BSN: variants seen among roughly 807,000 people sequenced by gnomAD.
BSN encodes the protein protein bassoon.
Under a neutral mutation model 264.8 loss-of-function variants are expected in BSN, and 57 were observed. That is an observed-to-expected ratio of 0.22 (90% CI 0.17 to 0.27). The LOEUF is 0.27. Ranked by LOEUF, BSN falls within the 10% of genes least tolerant of loss-of-function variation. The pLI, the probability that BSN is intolerant of heterozygous loss-of-function variation, is 1.00. For synonymous variants in BSN, 2,059 were observed against 2,137.3 expected, an observed-to-expected ratio of 0.96 and a Z score of 1.01; for missense variants, 4,615 against 5,232.5, an observed-to-expected ratio of 0.88 and a Z score of 3.64.
At position 49,660,592 on chromosome 3, in the gene BSN, A is replaced by G. The variant is rs746865121; in HGVS notation, c.8747A>G (p.Gln2916Arg). The G allele has an allele frequency of 6.2e-7, 1 of 1,611,980 alleles. No individual in the cohort carries two copies. Among genetic ancestry groups the G allele is most frequent in the Non-Finnish European group, 8.5e-7 (1 of 1,179,300 alleles). ...CCCCTGGCTGGCCAGGCCTCCCCACAGCTGTATGCAGCCAGCCTGCTGCAG... is the reference window on the plus strand; with the variant it reads ...CCCCTGGCTGGCCAGGCCTCCCCACGGCTGTATGCAGCCAGCCTGCTGCAG... ...HLPLAGQASP[Q>R]LYAASLLQRG... The change falls in exon 6 of 12, where the codon CAG becomes CGG. Residue 2916 changes from glutamine (Q) to arginine (R), a missense_variant. Gln to Arg is a conservative substitution (Grantham distance 43). Coordinates refer to ENST00000296452, the MANE Select transcript of BSN (RefSeq NM_003458.4). The surrounding 1 kb of genome is among the most constrained non-coding windows in gnomAD (Gnocchi z 7.1).
Position 49,554,483 on chromosome 3 carries a change from C to T in BSN, c.-120C>T, listed in dbSNP as rs1046818354. 2 of 219,968 alleles carry T rather than the reference C, an allele frequency of 9.1e-6. No homozygotes were observed. The highest frequency in any genetic ancestry group is 1.5e-5 in the Non-Finnish European group (2 of 130,242). 13.6% of individuals were successfully genotyped at this position (219,968 alleles called of 1,614,324 possible). ...GACGCGCATGCGCAGCGGCAGGCGG[C>T]GGCGCGAGCCGAGCTGGGAGATGGC... On this transcript the variant is annotated 5_prime_UTR_variant, in exon 1 of 12. Transcript: ENST00000296452.
intron 1 of BSN, among the ~76,000 whole-genome samples, chr3:49,601,834 A>T (rs1280581497): frequency 2.0e-5 from 3 of 152,142 alleles, no homozygotes. Flanking sequence ...AAACTGTAGG[A>T]TTTGTTTAAA....
chr3:49,584,370 A>G (rs1030912021), intron 1 of BSN, among the ~76,000 whole-genome samples: 1 of 148,770 alleles, frequency 6.7e-6, no homozygotes, highest in Non-Finnish European at 1.5e-5. Context: ...TCTAATCTTT[A>G]TTATTTTCTT....
intron 1 of BSN, among the ~76,000 whole-genome samples, chr3:49,586,254 T>C (rs1383842880): frequency 1.3e-5 from 2 of 152,212 alleles, no homozygotes; most frequent in Admixed American, 6.5e-5. Context: ...CCATTTTGAT[T>C]TTATTTTTGT....
At chr3:49,567,929 C>T (rs1484883750) in intron 1 of BSN, among the ~76,000 whole-genome samples, 1 of 152,186 alleles carries the variant, frequency 6.6e-6, no homozygotes, top group Non-Finnish European at 1.5e-5. Flanking sequence ...CTGGGAGCCC[C>T]AGGGCTTCTC....
rs1559602832 is a variant in BSN at position 49,605,513 on chromosome 3, A to ATATTTT, written c.225-19462_225-19461insTATTTT. 1.7e-3 allele frequency among the ~76,000 whole-genome samples: 6 copies of ATATTTT among 3,636 alleles called. 1 individual carries two copies. The Admixed American group carries it at 0.021, about 13-fold the overall frequency. The allele number at this position is 3,636 out of a possible 152,430, so 2.4% of individuals were successfully genotyped here. On this transcript the variant is annotated intron_variant, in intron 1 of 11. Coordinates refer to ENST00000296452, the MANE Select transcript of BSN (RefSeq NM_003458.4). ...ATATTATATATAATATATATTATAT[A>ATATTTT]ATATATATATAATATATAATATATA...
At chr3:49,589,669 G>GC (rs1183378404) in intron 1 of BSN, among the ~76,000 whole-genome samples, 1 of 150,578 alleles carries the variant, frequency 6.6e-6, no homozygotes, top group Non-Finnish European at 1.5e-5. Context: ...ACCACGCCCG[G>GC]CTCATTTTTT....
rs547695155 is a variant in BSN at position 49,653,560 on chromosome 3, G to T, written c.4004G>T (p.Arg1335Leu). 1 of 1,613,884 alleles carries T rather than the reference G, an allele frequency of 6.2e-7. No homozygotes were observed. Among genetic ancestry groups the T allele is most frequent in the Non-Finnish European group, 8.5e-7 (1 of 1,179,974 alleles). ...ACCTCCTCAGACAGCAGCGGGGGCC[G>T]AGTTATTCCCGATGTCCGTGTCACT... ...TPTSSDSSGGRVIPDVRVTQH... is the reference protein window; with the variant it reads ...TPTSSDSSGGLVIPDVRVTQH... The change falls in exon 5 of 12, where the codon CGA becomes CTA. Residue 1335 changes from arginine to leucine, a missense_variant. Coordinates refer to ENST00000296452, the MANE Select transcript of BSN (RefSeq NM_003458.4). This position sits in a 1 kb window ranked among gnomAD's most constrained non-coding sequence, Gnocchi z 6.3.
At chr3:49,557,141 C>T (rs1042798733) in intron 1 of BSN, among the ~76,000 whole-genome samples, 4 of 152,136 alleles carry the variant, frequency 2.6e-5, no homozygotes, top group African/African-American at 7.2e-5. Flanking sequence ...CTTAGCCCGT[C>T]GGGATGATGT....
chr3:49,602,149 G>C (rs1341300482), intron 1 of BSN, among the ~76,000 whole-genome samples: 1 of 152,224 alleles, frequency 6.6e-6, no homozygotes, highest in East Asian at 1.9e-4. Flanking sequence ...CTCTTTCCTT[G>C]GAGTGCCCTT....
chr3:49,615,498 A>G (rs749587479), intron 1 of BSN, among the ~76,000 whole-genome samples: 1 of 152,160 alleles, frequency 6.6e-6, no homozygotes, highest in Non-Finnish European at 1.5e-5. Context: ...GAAGTTAGGA[A>G]GAGAAGATGT....
At chr3:49,633,697 G>T (rs2052399044) in intron 2 of BSN, among the ~76,000 whole-genome samples, 1 of 152,170 alleles carries the variant, frequency 6.6e-6, no homozygotes, top group Non-Finnish European at 1.5e-5. Context: ...TGACAAATGA[G>T]CAAATATGCA....
At position 49,657,055 on chromosome 3, in the gene BSN, A is replaced by G. The variant is rs2052610333; in HGVS notation, c.7499A>G (p.Gln2500Arg). Residue 2500 changes from glutamine (Q) to arginine (R), a missense_variant, in exon 5 of 12, where the codon CAG becomes CGG. By Grantham distance (43) the Gln-to-Arg change is conservative (BLOSUM62 1). Around this residue, in one of 3 missense-constraint regions of BSN, gnomAD observed 3,415 missense variants for 3,866.4 expected, o/e 0.88. Transcript: ENST00000296452. ...LAAAELAQNG[Q>R]YWPPLTHAAF... The stretch of plus-strand genomic sequence containing the variant: ...GCTGCTGAGTTGGCCCAGAATGGCC[A>G]GTATTGGCCCCCCCTTACACATGCA... 6.2e-7 allele frequency: 1 copy of G among 1,609,040 alleles called. No individual in the cohort carries two copies. Among genetic ancestry groups the G allele is most frequent in the Non-Finnish European group, 8.5e-7 (1 of 1,176,700 alleles).
chr3:49,656,476 G>C lies in BSN; in HGVS notation c.6920G>C (p.Arg2307Pro). The change falls in exon 5 of 12, where the codon CGG becomes CCG. Residue 2307 changes from arginine (R) to proline (P), a missense_variant. This residue lies in a region of BSN where 3,415 missense variants were observed against 3,866.4 expected (regional missense o/e 0.88). Coordinates refer to ENST00000296452, the MANE Select transcript of BSN (RefSeq NM_003458.4). Reference sequence around the variant, plus strand: ...CCAGAGATGCCAGTAGGGGCTGCACGGGAAGAGCCTCTTCCCACAACCACC... The same window carrying C: ...CCAGAGATGCCAGTAGGGGCTGCACCGGAAGAGCCTCTTCCCACAACCACC... ...SRPEMPVGAA[R>P]EEPLPTTTPA... 2.5e-6 allele frequency: 4 copies of C among 1,596,656 alleles called. No homozygotes were observed. The Middle Eastern group carries it at 5.0e-4, about 200-fold the overall frequency.
intron 1 of BSN, among the ~76,000 whole-genome samples, chr3:49,591,148 G>A (rs926681548): frequency 3.3e-5 from 5 of 151,862 alleles, no homozygotes; most frequent in East Asian, 3.9e-4. Context: ...GTTGTATATC[G>A]GCCCTCTTAT....
chr3:49,654,684 G>A lies in BSN; in HGVS notation c.5128G>A (p.Ala1710Thr), dbSNP rs768573010. The A allele has an allele frequency of 2.0e-5, 32 of 1,613,534 alleles. No individual in the cohort carries two copies. In the East Asian group the frequency reaches 4.0e-4, roughly 20 times the overall value. Residue 1710 changes from alanine (A) to threonine (T), a missense_variant, in exon 5 of 12, where the codon GCC (alanine) becomes ACC (threonine). By Grantham distance (58) the Ala-to-Thr change is moderately conservative. Around this residue, in one of 3 missense-constraint regions of BSN, gnomAD observed 3,415 missense variants for 3,866.4 expected, o/e 0.88. Transcript: ENST00000296452. This position sits in a 1 kb window ranked among gnomAD's most constrained non-coding sequence, Gnocchi z 4.1. ...LDPIPGRQST[A>T]VQPLVINLNA... Reference sequence around the variant, plus strand: ...TCCAATCCCAGGACGGCAGTCGACCGCCGTGCAGCCCTTGGTTATCAACCT... The same window carrying A: ...TCCAATCCCAGGACGGCAGTCGACCACCGTGCAGCCCTTGGTTATCAACCT...
chr3:49,627,391 T>C (rs1342598651), intron 2 of BSN, among the ~76,000 whole-genome samples: 1 of 151,782 alleles, frequency 6.6e-6, no homozygotes, highest in East Asian at 1.9e-4. Flanking sequence ...TCTCTAGAGT[T>C]GGCTTTCAGT....
rs762401619 is a variant in BSN, at chr3:49,625,465, ACT to A, written c.633+87_633+88del. On this transcript the variant is annotated intron_variant, in intron 2 of 11. Coordinates refer to ENST00000296452, the MANE Select transcript of BSN (RefSeq NM_003458.4). This position sits in a 1 kb window ranked among gnomAD's most constrained non-coding sequence, Gnocchi z 4.4. Reference sequence around the variant, plus strand: ...CTGGTTCCCTTCCCCTCTTTCACCAACTCTCTTTTCCTGGTCATTTCCCTTGA... The same window carrying A: ...CTGGTTCCCTTCCCCTCTTTCACCAACTCTTTTCCTGGTCATTTCCCTTGA... 308 of 1,279,738 alleles carry A rather than the reference ACT, an allele frequency of 2.4e-4. No individual in the cohort carries two copies. Among genetic ancestry groups the A allele is most frequent in the Non-Finnish European group, 3.0e-4 (298 of 982,516 alleles). 79.3% of individuals were successfully genotyped at this position (1,279,738 alleles called of 1,614,324 possible).
At chr3:49,605,549 T>TA (rs2052118301) in intron 1 of BSN, among the ~76,000 whole-genome samples, 3 of 2,926 alleles carry the variant, frequency 1.0e-3, no homozygotes, top group Non-Finnish European at 9.3e-4. Context: ...TTATATATAT[T>TA]TTATATAATA....
Sources: gnomAD v4.1 joint callset for allele counts (sites outside exome capture counted in the v4.1 genomes callset) on GRCh38, gnomAD v4.1.1 for gene constraint, gnomAD v4.1.1 regional missense constraint, Gnocchi (gnomAD v3.1) non-coding constraint, MANE v1.5 for transcripts, NCBI Gene and HGNC (gene_info 2026-07-23, HGNC 2026-07-21) for gene names.